STX8: variants seen among roughly 807,000 people sequenced by gnomAD.
STX8 encodes the protein syntaxin-8.
A neutral mutation model predicts 37.5 loss-of-function variants in STX8; 23 were observed. The observed-to-expected ratio is 0.61, with a 90% CI of 0.44 to 0.87. STX8 has a LOEUF of 0.87. Among genes scored for constraint, STX8 ranks in the 40% least tolerant of loss-of-function variants. The pLI, the probability that STX8 is intolerant of heterozygous loss-of-function variation, is 0.00. For synonymous variants in STX8, 115 were observed against 99.1 expected (o/e 1.16, Z -0.95); for missense variants, 313 against 284.7 (o/e 1.10, Z -0.71).
chr17:9,523,097 G>A (rs541363668), intron 4 of STX8, among the ~76,000 whole-genome samples: 98 of 152,042 alleles, frequency 6.4e-4, no homozygotes, highest in African/African-American at 2.2e-3. Flanking sequence ...TGGATCACAA[G>A]GTCAAGAGAT....
chr17:9,415,469 G>A (rs1420028477), intron 6 of STX8, among the ~76,000 whole-genome samples: 1 of 152,008 alleles, frequency 6.6e-6, no homozygotes, highest in Non-Finnish European at 1.5e-5. Flanking sequence ...GGACATGACT[G>A]TTACAAAAGC....
At chr17:9,313,222 A>T (rs1909257840) in intron 7 of STX8, among the ~76,000 whole-genome samples, 1 of 152,066 alleles carries the variant, frequency 6.6e-6, no homozygotes, top group African/African-American at 2.4e-5. Flanking sequence ...ATAAGAGGTC[A>T]CTGTGAATTG....
intron 7 of STX8, among the ~76,000 whole-genome samples, chr17:9,300,338 AAAAAAAAAAAG>A (rs1216856652): frequency 1.3e-5 from 2 of 150,394 alleles, no homozygotes; most frequent in African/African-American, 4.9e-5. Flanking sequence ...TCTCAAAAAA[AAAAAAAAAAAG>A]AAAGAAAGAA....
At chr17:9,303,816 A>T (rs1246817157) in intron 7 of STX8, among the ~76,000 whole-genome samples, 2 of 152,190 alleles carry the variant, frequency 1.3e-5, no homozygotes, top group Non-Finnish European at 2.9e-5. Context: ...ACTTAAATGC[A>T]GCAAACAAAA....
At chr17:9,343,423 T>C (rs929690004) in intron 7 of STX8, among the ~76,000 whole-genome samples, 1 of 40,058 alleles carries the variant, frequency 2.5e-5, no homozygotes, top group Non-Finnish European at 5.9e-5. Context: ...CTGATCATTG[T>C]AACTGTTTTC....
chr17:9,554,060 G>A (rs561930231), intron 3 of STX8: 3 of 152,204 alleles, frequency 2.0e-5, no homozygotes, highest in Admixed American at 1.3e-4. Flanking sequence ...AGGAGTTCGA[G>A]ACCAGCTTAG....
At chr17:9,263,245 G>A (rs561209081) in intron 7 of STX8, among the ~76,000 whole-genome samples, 26 of 152,186 alleles carry the variant, frequency 1.7e-4, no homozygotes, top group African/African-American at 6.3e-4. Context: ...GGGAGGCTGA[G>A]GAGGGTGGAT....
chr17:9,315,968 T>C (rs1384325150), intron 7 of STX8, among the ~76,000 whole-genome samples: 1 of 150,586 alleles, frequency 6.6e-6, no homozygotes, highest in African/African-American at 2.4e-5. Flanking sequence ...TGAGCCGAGA[T>C]CACGCCACTG....
intron 7 of STX8, among the ~76,000 whole-genome samples, chr17:9,344,884 C>G (rs1288207362): frequency 6.6e-6 from 1 of 152,220 alleles, no homozygotes; most frequent in Non-Finnish European, 1.5e-5. Context: ...GACTTGTTAG[C>G]TTACATCCTT....
intron 6 of STX8, among the ~76,000 whole-genome samples, chr17:9,468,603 G>A (rs1440154416): frequency 3.9e-5 from 6 of 152,144 alleles, no homozygotes; most frequent in South Asian, 2.1e-4. Flanking sequence ...GCACAGAGAC[G>A]CACCACACAG....
intron 7 of STX8, among the ~76,000 whole-genome samples, chr17:9,294,626 G>A (rs1179954248): frequency 6.6e-6 from 1 of 152,230 alleles, no homozygotes; most frequent in Non-Finnish European, 1.5e-5. Context: ...GGTGTGTGCA[G>A]AGGAGGGTAC....
chr17:9,485,734 T>C (rs920672955), intron 6 of STX8, among the ~76,000 whole-genome samples: 1 of 152,040 alleles, frequency 6.6e-6, no homozygotes, highest in Non-Finnish European at 1.5e-5. Flanking sequence ...TACAGGCATG[T>C]GCCACCACAC....
Position 9,289,413 on chromosome 17 carries a change from G to A in STX8, c.644-38768C>T, listed in dbSNP as rs569394325. ...GGAGTGCTGTCCTAGACAGCTACCA[G>A]TTTGGACTGGTTTAGAAGGACGAGG... On this transcript the variant is annotated intron_variant, in intron 7 of 7. Transcript: ENST00000306357. 5.3e-5 allele frequency among the ~76,000 whole-genome samples: 8 copies of A among 152,238 alleles called. No individual in the cohort carries two copies. The South Asian group carries it at 1.7e-3, about 32-fold the overall frequency.
intron 7 of STX8, among the ~76,000 whole-genome samples, chr17:9,253,771 G>A (rs936062146): frequency 1.3e-5 from 2 of 152,190 alleles, no homozygotes; most frequent in African/African-American, 4.8e-5. Context: ...CTGATGGCCT[G>A]GAGCAGAGGC....
intron 7 of STX8, among the ~76,000 whole-genome samples, chr17:9,275,639 G>A (rs1252492780): frequency 6.6e-6 from 1 of 152,164 alleles, no homozygotes; most frequent in Non-Finnish European, 1.5e-5. Context: ...AGAGGCCAAG[G>A]TGGGTGGATC....
chr17:9,423,905 T>A (rs1913531725), intron 6 of STX8, among the ~76,000 whole-genome samples: 1 of 152,106 alleles, frequency 6.6e-6, no homozygotes, highest in African/African-American at 2.4e-5. Context: ...GCATACCACA[T>A]CTGTCAGCCA....
At chr17:9,415,496 G>A (rs1218005849) in intron 6 of STX8, among the ~76,000 whole-genome samples, 2 of 151,946 alleles carry the variant, frequency 1.3e-5, no homozygotes, top group Non-Finnish European at 2.9e-5. Context: ...TTTTCGGCGG[G>A]TGCGGTGGCT....
chr17:9,406,954 GAA>G (rs1912823152), intron 6 of STX8, among the ~76,000 whole-genome samples: 2 of 152,172 alleles, frequency 1.3e-5, no homozygotes, highest in African/African-American at 4.8e-5. Context: ...GAGGGCTGAT[GAA>G]GAGAGCTGCT....
intron 4 of STX8, among the ~76,000 whole-genome samples, chr17:9,541,444 T>C (rs1044478252): frequency 1.3e-5 from 2 of 152,200 alleles, no homozygotes; most frequent in Admixed American, 6.5e-5. Context: ...CCTAGCCGGA[T>C]GGAGACACAA....
Sources: gnomAD v4.1 joint callset for allele counts (sites outside exome capture counted in the v4.1 genomes callset) on GRCh38, gnomAD v4.1.1 for gene constraint, MANE v1.5 for transcripts, NCBI Gene and HGNC (gene_info 2026-07-23, HGNC 2026-07-21) for gene names.